CNTN3: variants seen among roughly 807,000 people sequenced by gnomAD.
CNTN3 encodes contactin-3.
Under a neutral mutation model 119.1 loss-of-function variants are expected in CNTN3, and 60 were observed. That is an observed-to-expected ratio of 0.50 (90% CI 0.41 to 0.62). The LOEUF (loss-of-function observed/expected upper bound fraction) is 0.62, where lower values mean the gene tolerates loss of function less well. CNTN3 is among the 20% of genes least tolerant of loss of function. CNTN3 has a pLI of 0.00. For synonymous variants in CNTN3, 450 were observed against 438.7 expected, an observed-to-expected ratio of 1.03 and a Z score of -0.32; for missense variants, 1,101 against 1,242.4, an observed-to-expected ratio of 0.89 and a Z score of 1.71.
intron 22 of CNTN3, 69 bp from the exon 23 acceptor site, chr3:74,264,570 G>C: frequency 1.0e-6 from 1 of 974,128 alleles, no homozygotes; most frequent in Non-Finnish European, 1.5e-6. Flanking sequence ...CTAGAGACTG[G>C]ATATTTGTGG....
intron 1 of CNTN3, among the ~76,000 whole-genome samples, chr3:74,533,109 T>A (rs576554921): frequency 9.2e-5 from 14 of 151,946 alleles, no homozygotes; most frequent in Non-Finnish European, 1.5e-4. Context: ...GTCACAGAAA[T>A]GATGATGCCT....
intron 5 of CNTN3, among the ~76,000 whole-genome samples, chr3:74,401,933 C>G (rs1362997991): frequency 2.6e-5 from 4 of 152,164 alleles, no homozygotes; most frequent in Non-Finnish European, 4.4e-5. Flanking sequence ...CTGGGAAACA[C>G]TGAAGAGTAA....
intron 13 of CNTN3, among the ~76,000 whole-genome samples, chr3:74,323,620 G>C (rs1013315485): frequency 2.6e-5 from 4 of 152,134 alleles, no homozygotes; most frequent in African/African-American, 9.7e-5. Flanking sequence ...TCTCAATAAA[G>C]CCATTAAAAA....
intron 2 of CNTN3, among the ~76,000 whole-genome samples, chr3:74,512,169 T>A (rs1703377617): frequency 6.6e-6 from 1 of 152,196 alleles, no homozygotes; most frequent in Non-Finnish European, 1.5e-5. Flanking sequence ...TAGCATTGCA[T>A]CAAACTTTTA....
chr3:74,495,144 A>C (rs894082411), intron 3 of CNTN3, among the ~76,000 whole-genome samples: 2 of 152,046 alleles, frequency 1.3e-5, no homozygotes, highest in Non-Finnish European at 2.9e-5. Context: ...CAGCTGGAGA[A>C]GCCAGGATGT....
At chr3:74,596,164 C>T (rs895086018) in intron 1 of CNTN3, among the ~76,000 whole-genome samples, 6 of 152,074 alleles carry the variant, frequency 3.9e-5, no homozygotes, top group Admixed American at 1.3e-4. Context: ...GAACTACAAA[C>T]CACTGCTCAA....
At chr3:74,565,868 C>T (rs1169405737) in intron 1 of CNTN3, among the ~76,000 whole-genome samples, 1 of 152,160 alleles carries the variant, frequency 6.6e-6, no homozygotes, top group Non-Finnish European at 1.5e-5. Flanking sequence ...CCACAATTCC[C>T]ACATGTCATG....
chr3:74,385,468 A>G (rs763487897), intron 5 of CNTN3, among the ~76,000 whole-genome samples: 5 of 152,214 alleles, frequency 3.3e-5, no homozygotes, highest in Non-Finnish European at 5.9e-5. Flanking sequence ...GCTATCTCTG[A>G]TCGTTAAAGT....
intron 4 of CNTN3, among the ~76,000 whole-genome samples, chr3:74,442,146 T>TACACACACACACACACAC (rs567314995): frequency 2.3e-4 from 28 of 123,952 alleles, no homozygotes; most frequent in African/African-American, 7.6e-4. Context: ...TGCATGCAAG[T>TACACACACACACACACAC]ACACACACAC....
intron 1 of CNTN3, among the ~76,000 whole-genome samples, chr3:74,597,588 T>C (rs899297611): frequency 2.0e-5 from 3 of 152,076 alleles, no homozygotes; most frequent in African/African-American, 7.2e-5. Flanking sequence ...AGAAAACTTC[T>C]TGCTAACTTG....
chr3:74,562,537 A>C (rs1468565242), intron 1 of CNTN3, among the ~76,000 whole-genome samples: 2 of 152,174 alleles, frequency 1.3e-5, no homozygotes, highest in Non-Finnish European at 2.9e-5. Flanking sequence ...CAGGTAATAA[A>C]CTCAAAAGGG....
chr3:74,503,860 G>A lies in CNTN3; in HGVS notation c.56-4075C>T, dbSNP rs144124199. Among the ~76,000 whole-genome samples the A allele has an allele frequency of 2.4e-3, 365 of 152,074 alleles. 3 individuals are homozygous for A. The highest frequency in any genetic ancestry group is 8.1e-3 in the African/African-American group (336 of 41,490). The stretch of plus-strand genomic sequence containing the variant: ...AAAATAAGGGGCATATCAGACTTCC[G>A]AACAGGACTAATAAGTCCAAAAATC... On this transcript the variant is annotated intron_variant, in intron 2 of 22. Transcript: ENST00000263665.
rs142463166 is a variant in CNTN3, at chr3:74,521,531, C to T, written c.-80-339G>A. Among the ~76,000 whole-genome samples the T allele has an allele frequency of 2.6e-3, 391 of 151,666 alleles. 2 individuals carry two copies. Among genetic ancestry groups the T allele is most frequent in the African/African-American group, 8.8e-3 (363 of 41,450 alleles). ...TTCTAACTTTTTCCATTTTCTCTAA[C>T]GATAGCATTCTGGCAAAACTAACAG... On this transcript the variant is annotated intron_variant, in intron 1 of 22. Coordinates refer to ENST00000263665, the MANE Select transcript of CNTN3 (RefSeq NM_020872.3).
At chr3:74,575,179 T>C (rs1431377100) in intron 1 of CNTN3, among the ~76,000 whole-genome samples, 1 of 151,954 alleles carries the variant, frequency 6.6e-6, no homozygotes, top group African/African-American at 2.4e-5. Context: ...CTCACCTCAG[T>C]CTCCCAAAGT....
At chr3:74,601,772 G>A (rs1704914771) in intron 1 of CNTN3, among the ~76,000 whole-genome samples, 1 of 152,090 alleles carries the variant, frequency 6.6e-6, no homozygotes, top group African/African-American at 2.4e-5. Flanking sequence ...ATGGCCAACA[G>A]TATGAGGCAG....
Position 74,564,622 on chromosome 3 carries a change from C to T in CNTN3, c.-80-43430G>A, listed in dbSNP as rs143245238. 1.7e-3 allele frequency among the ~76,000 whole-genome samples: 258 copies of T among 150,954 alleles called. 4 individuals are homozygous for T. The East Asian group carries it at 0.045, about 26-fold the overall frequency. ...CGGGTACTGGAAATAGAATAGAGAG[C>T]AAAAAGAATATAAAAGGACAGCAGA... On this transcript the variant is annotated intron_variant, in intron 1 of 22. Coordinates refer to ENST00000263665, the MANE Select transcript of CNTN3 (RefSeq NM_020872.3).
At chr3:74,264,590 C>A (rs964163841) in intron 22 of CNTN3, 89 bp from the exon 23 acceptor site, 114 of 761,560 alleles carry the variant, frequency 1.5e-4, no homozygotes, top group Non-Finnish European at 2.2e-4. Flanking sequence ...GTGTTCCCCC[C>A]AAATTCTTTG....
At position 74,373,449 on chromosome 3, in the gene CNTN3, G is replaced by A. The variant is rs150366371; in HGVS notation, c.455-2050C>T. ...CCTTTTACCCAGCCAGATATCTACT[G>A]TTCTCCAATATAGCAGGCCTTAGCA... On this transcript the variant is annotated intron_variant, in intron 5 of 22. Transcript: ENST00000263665. Among the ~76,000 whole-genome samples, 379 of 152,258 alleles carry A rather than the reference G, an allele frequency of 2.5e-3. 2 individuals carry two copies. Among genetic ancestry groups the A allele is most frequent in the African/African-American group, 8.6e-3 (358 of 41,564 alleles).
rs754475071 is a variant in CNTN3, at chr3:74,262,998, C to T, written c.*1403G>A. 6.6e-6 allele frequency: 1 copy of T among 152,022 alleles called. No homozygotes were observed. Among genetic ancestry groups the T allele is most frequent in the Non-Finnish European group, 1.5e-5 (1 of 67,968 alleles). 9.4% of individuals were successfully genotyped at this position (152,022 alleles called of 1,614,324 possible). A position where few individuals can be genotyped will look rare whatever the true frequency, so the allele number is the denominator to read the frequency against. Reference sequence around the variant, plus strand: ...GTAAAATAGTGCTTTATGGTGATATCAGAATTTCCCTAATTTTTAATCTTT... The same window carrying T: ...GTAAAATAGTGCTTTATGGTGATATTAGAATTTCCCTAATTTTTAATCTTT... On this transcript the variant is annotated 3_prime_UTR_variant, in exon 23 of 23. Transcript: ENST00000263665.
Sources: allele counts gnomAD v4.1 joint callset (sites outside exome capture counted in the v4.1 genomes callset), GRCh38; gene constraint gnomAD v4.1.1; transcripts MANE v1.5; gene names NCBI Gene and HGNC (gene_info 2026-07-23, HGNC 2026-07-21).